LRRTM4: variants seen among roughly 807,000 people sequenced by gnomAD.
The protein encoded by LRRTM4 is leucine rich repeat transmembrane neuronal 4, also known as leucine-rich repeat transmembrane neuronal protein 4.
Under a neutral mutation model 47.6 loss-of-function variants are expected in LRRTM4, and 25 were observed. That is an observed-to-expected ratio of 0.53 (90% CI 0.38 to 0.73). The LOEUF (loss-of-function observed/expected upper bound fraction) is 0.73, where lower values mean the gene tolerates loss of function less well. Ranked by LOEUF, LRRTM4 falls within the 30% of genes least tolerant of loss-of-function variation. The pLI is 0.00. For synonymous variants in LRRTM4, 311 were observed against 269.5 expected, an observed-to-expected ratio of 1.15 and a Z score of -1.51; for missense variants, 638 against 713.4, an observed-to-expected ratio of 0.89 and a Z score of 1.20.
Position 76,748,373 on chromosome 2 carries a change from T to C in LRRTM4, c.*322A>G, listed in dbSNP as rs1467839239. 2.4e-5 allele frequency: 7 copies of C among 294,338 alleles called. No homozygotes were observed. The East Asian group carries it at 4.9e-4, about 20-fold the overall frequency. 18.2% of individuals were successfully genotyped at this position (294,338 alleles called of 1,614,324 possible). The stretch of plus-strand genomic sequence containing the variant: ...CCATGCAGTGTAGAAAAATCAAATA[T>C]ACAAACAAACCTATATGTAGCTAGG... On this transcript the variant is annotated 3_prime_UTR_variant, in exon 4 of 4. Transcript: ENST00000409884.
At chr2:76,944,073 T>C (rs534387909) in intron 3 of LRRTM4, among the ~76,000 whole-genome samples, 71 of 152,302 alleles carry the variant, frequency 4.7e-4, no homozygotes, top group African/African-American at 1.7e-3. Flanking sequence ...TGACCTAAGA[T>C]ATTAATGTGA....
chr2:76,921,352 C>T (rs768119965), intron 3 of LRRTM4, among the ~76,000 whole-genome samples: 2 of 152,030 alleles, frequency 1.3e-5, no homozygotes, highest in Non-Finnish European at 1.5e-5. Flanking sequence ...ATGAAATGTA[C>T]GTGCTATTAA....
chr2:76,771,513 A>G (rs1388106797), intron 3 of LRRTM4, among the ~76,000 whole-genome samples: 1 of 152,040 alleles, frequency 6.6e-6, no homozygotes, highest in African/African-American at 2.4e-5. Context: ...AGCTCCCACC[A>G]CTTTTTTAAG....
intron 3 of LRRTM4, among the ~76,000 whole-genome samples, chr2:77,181,253 G>A (rs1673339800): frequency 6.6e-6 from 1 of 152,176 alleles, no homozygotes; most frequent in East Asian, 1.9e-4. Flanking sequence ...AAAGACCCAT[G>A]GACAATTCTA....
chr2:77,245,265 G>A (rs1675401010), intron 3 of LRRTM4, among the ~76,000 whole-genome samples: 1 of 152,018 alleles, frequency 6.6e-6, no homozygotes, highest in Non-Finnish European at 1.5e-5. Context: ...TGATGTTCAT[G>A]GCCAGGCCGG....
intron 3 of LRRTM4, among the ~76,000 whole-genome samples, chr2:76,793,884 G>C (rs1175469368): frequency 2.6e-5 from 4 of 152,152 alleles, no homozygotes; most frequent in African/African-American, 7.2e-5. Context: ...GTATGATCTA[G>C]GGAATACAGT....
intron 3 of LRRTM4, among the ~76,000 whole-genome samples, chr2:77,411,795 G>T (rs1296515395): frequency 6.6e-6 from 1 of 151,572 alleles, no homozygotes; most frequent in East Asian, 1.9e-4. Context: ...TTCTAACCTA[G>T]CTCTCATCTG....
At chr2:76,974,139 TAC>T (rs34957647) in intron 3 of LRRTM4, among the ~76,000 whole-genome samples, 22,706 of 124,650 alleles carry the variant, frequency 0.18, 2,582 homozygotes, top group African/African-American at 0.36. Flanking sequence ...CTCATATATA[TAC>T]ATATATATAC....
chr2:77,385,667 T>C (rs1231989097), intron 3 of LRRTM4, among the ~76,000 whole-genome samples: 7 of 151,550 alleles, frequency 4.6e-5, no homozygotes, highest in African/African-American at 1.7e-4. Flanking sequence ...TTGTAATAAG[T>C]AGACTGTATT....
chr2:77,343,492 A>G (rs1354824165), intron 3 of LRRTM4, among the ~76,000 whole-genome samples: 1 of 151,930 alleles, frequency 6.6e-6, no homozygotes, highest in East Asian at 1.9e-4. Context: ...TCTGCATTGT[A>G]CTTTTAAAAT....
intron 3 of LRRTM4, among the ~76,000 whole-genome samples, chr2:76,802,034 G>A (rs1230581708): frequency 1.3e-5 from 2 of 152,170 alleles, no homozygotes; most frequent in East Asian, 1.9e-4. Context: ...GGTGAAAAGT[G>A]GAAAGCTTTT....
chr2:77,312,760 G>GA (rs201456711), intron 3 of LRRTM4, among the ~76,000 whole-genome samples: 27 of 149,844 alleles, frequency 1.8e-4, no homozygotes, highest in East Asian at 7.8e-4. Context: ...CTGAGTAAAA[G>GA]AAAAAAAAAG....
rs1404138503 is a variant in LRRTM4 at position 77,194,754 on chromosome 2, G to A, written c.1551+323564C>T. 3.3e-5 allele frequency among the ~76,000 whole-genome samples: 5 copies of A among 152,024 alleles called. No individual in the cohort carries two copies. In the East Asian group the frequency reaches 9.7e-4, roughly 29 times the overall value. ...GGGTAACAGGACCTGGGTAACATGA[G>A]CAGGATCCTGCTCTTCTGTATCTAC... On this transcript the variant is annotated intron_variant, in intron 3 of 3. Coordinates refer to ENST00000409884, the MANE Select transcript of LRRTM4 (RefSeq NM_001134745.3).
intron 3 of LRRTM4, among the ~76,000 whole-genome samples, chr2:77,490,164 T>C (rs931704273): frequency 1.3e-5 from 2 of 151,812 alleles, no homozygotes; most frequent in Non-Finnish European, 2.9e-5. Context: ...GCACAAGAAT[T>C]GCTTGAACTC....
At chr2:76,962,430 A>G (rs972314669) in intron 3 of LRRTM4, among the ~76,000 whole-genome samples, 2 of 150,966 alleles carry the variant, frequency 1.3e-5, no homozygotes, top group Non-Finnish European at 3.0e-5. Context: ...ACAATATACT[A>G]TCTAGATAAA....
At chr2:76,862,368 C>T (rs1281404695) in intron 3 of LRRTM4, among the ~76,000 whole-genome samples, 5 of 152,122 alleles carry the variant, frequency 3.3e-5, no homozygotes, top group Admixed American at 3.3e-4. Context: ...ACCTAGCAAT[C>T]ACTTTTTATT....
At chr2:77,195,333 T>C (rs1673790356) in intron 3 of LRRTM4, among the ~76,000 whole-genome samples, 1 of 151,990 alleles carries the variant, frequency 6.6e-6, no homozygotes, top group Admixed American at 6.6e-5. Context: ...TCTTTGGCAC[T>C]GTTTCATAGA....
intron 3 of LRRTM4, among the ~76,000 whole-genome samples, chr2:76,771,608 C>T (rs1454548296): frequency 3.5e-5 from 5 of 144,652 alleles, no homozygotes; most frequent in African/African-American, 1.0e-4. Flanking sequence ...AAGAAGACTG[C>T]GTGCTGTACC....
At chr2:77,349,058 T>G (rs1450605014) in intron 3 of LRRTM4, among the ~76,000 whole-genome samples, 2 of 151,900 alleles carry the variant, frequency 1.3e-5, no homozygotes, top group African/African-American at 4.8e-5. Context: ...AGATGCTGGA[T>G]AGCTCCATTT....
Sources: gnomAD v4.1 joint callset for allele counts (sites outside exome capture counted in the v4.1 genomes callset) on GRCh38, gnomAD v4.1.1 for gene constraint, MANE v1.5 for transcripts, NCBI Gene and HGNC (gene_info 2026-07-23, HGNC 2026-07-21) for gene names.